The following NOL4 variants were observed in gnomAD, a reference collection of about 807,000 sequenced individuals.
NOL4 encodes nucleolar protein 4.
NOL4 carries 17 observed loss-of-function variants against 75.9 expected under a neutral mutation model. That is an observed-to-expected ratio of 0.22 (90% CI 0.15 to 0.34). The LOEUF (loss-of-function observed/expected upper bound fraction) is 0.34. NOL4 is among the 10% of genes least tolerant of loss of function. The pLI, the probability that NOL4 is intolerant of heterozygous loss-of-function variation, is 1.00. For synonymous variants in NOL4, 292 were observed against 289.9 expected (o/e 1.01, Z -0.07); for missense variants, 614 against 793.5 (o/e 0.77, Z 2.72).
intron 10 of NOL4, 23 bp downstream of exon 10, chr18:33,883,221 C>A (rs893282518): frequency 2.7e-6 from 4 of 1,499,002 alleles, no homozygotes; most frequent in Admixed American, 2.2e-5. Context: ...AAAAAAAAAA[C>A]ACAATCTATG....
Position 33,919,867 on chromosome 18 carries a change from A to C in NOL4, c.1542+23198T>G, listed in dbSNP as rs2066928346. ...AATAACTATGATTACAACTAAGCAAAACATTTAGGAAAAATGATTAAGAGC... is the reference window on the plus strand; with the variant it reads ...AATAACTATGATTACAACTAAGCAACACATTTAGGAAAAATGATTAAGAGC... On this transcript the variant is annotated intron_variant, in intron 9 of 10. Transcript: ENST00000261592. Among the ~76,000 whole-genome samples the C allele has an allele frequency of 2.6e-5, 4 of 152,206 alleles. No homozygotes were observed. In the South Asian group the frequency reaches 8.3e-4, roughly 32 times the overall value.
intron 6 of NOL4, 70 bp downstream of exon 6, chr18:34,019,248 A>C: frequency 1.1e-4 from 129 of 1,178,386 alleles, no homozygotes; most frequent in Non-Finnish European, 1.4e-4. Flanking sequence ...TTTATCTGCT[A>C]TATGCATAGG....
At chr18:34,169,049 T>C (rs2032739806) in intron 1 of NOL4, among the ~76,000 whole-genome samples, 1 of 151,920 alleles carries the variant, frequency 6.6e-6, no homozygotes, top group South Asian at 2.1e-4. Flanking sequence ...TAAATATCAA[T>C]ATCCTTTAGG....
intron 9 of NOL4, among the ~76,000 whole-genome samples, chr18:33,908,856 A>C (rs2066223179): frequency 6.6e-6 from 1 of 152,156 alleles, no homozygotes; most frequent in Non-Finnish European, 1.5e-5. Flanking sequence ...TGGTGTATAC[A>C]TGAGGAAAAT....
chr18:34,108,581 A>G (rs1484141149), intron 2 of NOL4, among the ~76,000 whole-genome samples: 5 of 152,174 alleles, frequency 3.3e-5, no homozygotes, highest in African/African-American at 1.2e-4. Flanking sequence ...TGCTTGTTAA[A>G]AATTGTCACA....
At chr18:34,221,899 G>A (rs750683795) in intron 1 of NOL4, 42 of 756,428 alleles carry the variant, frequency 5.6e-5, no homozygotes, top group Non-Finnish European at 8.3e-5. Context: ...TACTGCACCG[G>A]GAAACAGTTG....
At chr18:33,860,215 A>C (rs1345807339) in intron 10 of NOL4, among the ~76,000 whole-genome samples, 1 of 152,040 alleles carries the variant, frequency 6.6e-6, no homozygotes, top group Non-Finnish European at 1.5e-5. Context: ...CCCAAAACAC[A>C]TGGGGATAAT....
chr18:33,969,968 G>C (rs1039032793), intron 6 of NOL4, among the ~76,000 whole-genome samples: 22 of 152,166 alleles, frequency 1.4e-4, no homozygotes, highest in African/African-American at 4.8e-4. Context: ...GGCTAGAGCA[G>C]TGTTATTTTC....
intron 5 of NOL4, among the ~76,000 whole-genome samples, chr18:34,037,184 A>C (rs2075946154): frequency 6.6e-6 from 1 of 152,150 alleles, no homozygotes; most frequent in Admixed American, 6.6e-5. Context: ...CAATAGCTAC[A>C]AAAAATCCCA....
At chr18:34,084,009 G>T (rs1344197390) in intron 5 of NOL4, among the ~76,000 whole-genome samples, 1 of 152,188 alleles carries the variant, frequency 6.6e-6, no homozygotes, top group Non-Finnish European at 1.5e-5. Context: ...AGTGGAGGCT[G>T]CAGAGCAGCA....
At chr18:34,024,053 G>A (rs894999547) in intron 5 of NOL4, among the ~76,000 whole-genome samples, 4 of 151,234 alleles carry the variant, frequency 2.6e-5, no homozygotes, top group African/African-American at 7.3e-5. Context: ...ATGTGTACCT[G>A]TGTGTGTATT....
intron 6 of NOL4, among the ~76,000 whole-genome samples, chr18:33,984,492 G>T (rs1056579501): frequency 1.3e-5 from 2 of 151,980 alleles, no homozygotes; most frequent in African/African-American, 4.8e-5. Flanking sequence ...TGGATCATGG[G>T]GGTGGTTTCT....
chr18:33,926,706 T>G (rs1444460655), intron 9 of NOL4, among the ~76,000 whole-genome samples: 1 of 152,194 alleles, frequency 6.6e-6, no homozygotes, highest in East Asian at 1.9e-4. Flanking sequence ...GTTCAAGCAA[T>G]TCTCCTGCCT....
At chr18:34,048,420 T>C in intron 5 of NOL4, 1 of 984,162 alleles carries the variant, frequency 1.0e-6, no homozygotes, top group Non-Finnish European at 1.2e-6. Context: ...TATTCTACTC[T>C]GGAGGAGCTG....
chr18:34,164,804 C>T (rs12959203), intron 1 of NOL4, among the ~76,000 whole-genome samples: 20 of 151,376 alleles, frequency 1.3e-4, no homozygotes, highest in Middle Eastern at 3.4e-3. Context: ...ATGTTTATTG[C>T]GGCACTATTC....
At chr18:33,886,784 TC>T (rs2064696087) in intron 9 of NOL4, among the ~76,000 whole-genome samples, 1 of 144,194 alleles carries the variant, frequency 6.9e-6, no homozygotes, top group Non-Finnish European at 1.5e-5. Flanking sequence ...TATATATATA[TC>T]TATAGATATA....
intron 5 of NOL4, among the ~76,000 whole-genome samples, chr18:34,092,185 G>A (rs987781506): frequency 7.3e-5 from 11 of 151,148 alleles, no homozygotes; most frequent in African/African-American, 2.4e-4. Flanking sequence ...ACTATACAAT[G>A]GCCATTAAAA....
At chr18:33,997,428 A>G (rs543060945) in intron 6 of NOL4, among the ~76,000 whole-genome samples, 22 of 151,620 alleles carry the variant, frequency 1.5e-4, no homozygotes, top group African/African-American at 5.1e-4. Flanking sequence ...TGATTGTTTT[A>G]TATATCTGTT....
At chr18:33,939,293 G>A (rs2068296752) in intron 9 of NOL4, among the ~76,000 whole-genome samples, 1 of 152,096 alleles carries the variant, frequency 6.6e-6, no homozygotes, top group Admixed American at 6.6e-5. Flanking sequence ...ATTTAACATA[G>A]CTTTCTCTAA....
Sources: gnomAD v4.1 joint callset for allele counts (sites outside exome capture counted in the v4.1 genomes callset) on GRCh38, gnomAD v4.1.1 for gene constraint, MANE v1.5 for transcripts, NCBI Gene and HGNC (gene_info 2026-07-23, HGNC 2026-07-21) for gene names.